The following GLIS3 variants were observed in gnomAD, a reference collection of about 807,000 sequenced individuals.
GLIS3 encodes the protein GLIS family zinc finger 3, also known as zinc finger protein GLIS3.
Under a neutral mutation model 78.6 loss-of-function variants are expected in GLIS3, and 53 were observed. The ratio of observed to expected loss-of-function variants is 0.67; its 90% CI spans 0.54 to 0.85. GLIS3 has a LOEUF of 0.85. Among genes scored for constraint, GLIS3 ranks in the 40% least tolerant of loss-of-function variants. The pLI is 0.00. For synonymous variants in GLIS3, 684 were observed against 509.9 expected (o/e 1.34, Z -4.60); for missense variants, 1,703 against 1,231.1 (o/e 1.38, Z -5.74).
At chr9:4,223,306 A>T (rs752168291) in intron 2 of GLIS3, among the ~76,000 whole-genome samples, 19 of 152,202 alleles carry the variant, frequency 1.2e-4, no homozygotes, top group Non-Finnish European at 1.8e-4. Flanking sequence ...TGGACAAGTT[A>T]TTTAATCTGG....
At chr9:4,046,779 G>A (rs1360141370) in intron 4 of GLIS3, among the ~76,000 whole-genome samples, 2 of 152,110 alleles carry the variant, frequency 1.3e-5, no homozygotes, top group Non-Finnish European at 1.5e-5. Context: ...AATGAACTAG[G>A]CATGTTTACT....
At chr9:4,463,561 G>C in the GLIS3 span, among the ~76,000 whole-genome samples, 1 of 152,136 alleles carries the variant, frequency 6.6e-6, no homozygotes, top group Non-Finnish European at 1.5e-5. Flanking sequence ...TTATACTAAG[G>C]TGTGGGTAGC....
At chr9:4,319,062 T>G (rs1168900556) in intron 2 of GLIS3, among the ~76,000 whole-genome samples, 1 of 152,138 alleles carries the variant, frequency 6.6e-6, no homozygotes, top group Non-Finnish European at 1.5e-5. Flanking sequence ...TTCAAAAATG[T>G]CAATGTCATG....
In GLIS3 at chr9:4,062,559, T is replaced by A. The variant is rs146032928; in HGVS notation, c.1710+55209A>T. On this transcript the variant is annotated intron_variant, in intron 4 of 10. Transcript: ENST00000381971. Reference sequence around the variant, plus strand: ...GGCACTTACTTTCTCTGAGCCTCATTTTCATACCTATAAAATGGGATTATA... The same window carrying A: ...GGCACTTACTTTCTCTGAGCCTCATATTCATACCTATAAAATGGGATTATA... Among the ~76,000 whole-genome samples the A allele has an allele frequency of 9.4e-3, 1,428 of 152,316 alleles. 20 individuals are homozygous for A. The highest frequency in any genetic ancestry group is 0.033 in the African/African-American group (1,354 of 41,562).
At chr9:4,394,696 A>G in the GLIS3 span, among the ~76,000 whole-genome samples, 1 of 152,234 alleles carries the variant, frequency 6.6e-6, no homozygotes, top group Non-Finnish European at 1.5e-5. Flanking sequence ...TTTCTGAAGA[A>G]AACCTAATTT....
intron 4 of GLIS3, chr9:3,975,243 A>C (rs1818680847): frequency 6.6e-6 from 1 of 152,112 alleles, no homozygotes; most frequent in Non-Finnish European, 1.5e-5. Flanking sequence ...TCAACAGGAG[A>C]GGGAGTGGGC....
At chr9:4,067,901 G>C (rs949557687) in intron 4 of GLIS3, among the ~76,000 whole-genome samples, 1 of 151,880 alleles carries the variant, frequency 6.6e-6, no homozygotes, top group African/African-American at 2.4e-5. Flanking sequence ...TAACCACCGA[G>C]CTGTCAAAGA....
At chr9:4,173,411 G>C (rs761957087) in intron 2 of GLIS3, among the ~76,000 whole-genome samples, 1 of 151,930 alleles carries the variant, frequency 6.6e-6, no homozygotes, top group African/African-American at 2.4e-5. Flanking sequence ...ACCGTGCCAC[G>C]TGTGTCTTCT....
chr9:4,434,992 T>C, the GLIS3 span, among the ~76,000 whole-genome samples: 2 of 152,192 alleles, frequency 1.3e-5, no homozygotes. Flanking sequence ...AGGTACCAAA[T>C]TGTATGATTT....
At chr9:4,195,859 T>C (rs1198682170) in intron 2 of GLIS3, among the ~76,000 whole-genome samples, 1 of 152,238 alleles carries the variant, frequency 6.6e-6, no homozygotes, top group Non-Finnish European at 1.5e-5. Context: ...GTCTAGCTAA[T>C]CTAGTGAGGA....
At chr9:4,359,957 T>C in the GLIS3 span, among the ~76,000 whole-genome samples, 4 of 152,104 alleles carry the variant, frequency 2.6e-5, no homozygotes, top group African/African-American at 9.6e-5. Flanking sequence ...TTTCTGTATA[T>C]ATTTACAAGT....
At chr9:4,356,276 G>A in the GLIS3 span, among the ~76,000 whole-genome samples, 2 of 152,188 alleles carry the variant, frequency 1.3e-5, no homozygotes, top group South Asian at 2.1e-4. Flanking sequence ...CACAATTTAG[G>A]AGGACTGGGG....
At chr9:4,182,932 G>A (rs1817460777) in intron 2 of GLIS3, among the ~76,000 whole-genome samples, 1 of 152,156 alleles carries the variant, frequency 6.6e-6, no homozygotes, top group African/African-American at 2.4e-5. Flanking sequence ...GAAATACATG[G>A]AACTTGCCAA....
intron 1 of GLIS3, chr9:4,298,285 G>C: frequency 2.2e-6 from 1 of 445,696 alleles, no homozygotes; most frequent in Non-Finnish European, 4.5e-6. Flanking sequence ...CTCACCCTGT[G>C]GTTTCCTTTC....
intron 4 of GLIS3, among the ~76,000 whole-genome samples, chr9:4,099,567 G>A (rs527477643): frequency 2.0e-5 from 3 of 152,288 alleles, no homozygotes; most frequent in South Asian, 2.1e-4. Flanking sequence ...TCTAAAGACC[G>A]TGTTTTCACA....
At position 4,286,132 on chromosome 9, in the gene GLIS3, G is replaced by A; in HGVS notation, c.294C>T (p.Phe98=). ...RQMLTNGKPR[F]QVTQAGGMSG... The stretch of plus-strand genomic sequence containing the variant: ...ACATGCCTCCAGCCTGGGTGACCTG[G>A]AATCGCGGCTTCCCATTGGTGAGCA... Residue 98 remains phenylalanine (F), a synonymous_variant, in exon 2 of 11, where the codon TTC becomes TTT. Coordinates refer to ENST00000381971, the MANE Select transcript of GLIS3 (RefSeq NM_001042413.2). 1 of 1,613,746 alleles carries A rather than the reference G, an allele frequency of 6.2e-7. No homozygotes were observed. The highest frequency in any genetic ancestry group is 8.5e-7 in the Non-Finnish European group (1 of 1,179,616).
intron 1 of GLIS3, among the ~76,000 whole-genome samples, chr9:4,295,658 G>C (rs1214292100): frequency 6.6e-6 from 1 of 152,172 alleles, no homozygotes; most frequent in East Asian, 1.9e-4. Context: ...AGATGTTTCT[G>C]GTGTGTTGAT....
the GLIS3 span, among the ~76,000 whole-genome samples, chr9:4,489,933 A>G: frequency 1.3e-5 from 2 of 152,196 alleles, no homozygotes; most frequent in Non-Finnish European, 2.9e-5. Flanking sequence ...AAGTTTCCAA[A>G]GCCATGTTCT....
At chr9:4,054,418 G>C in intron 4 of GLIS3, 1 of 985,366 alleles carries the variant, frequency 1.0e-6, no homozygotes, top group Non-Finnish European at 1.2e-6. Context: ...TTTAACGGTT[G>C]GTTACAAACA....
Sources: gnomAD v4.1 joint callset for allele counts (sites outside exome capture counted in the v4.1 genomes callset) on GRCh38, gnomAD v4.1.1 for gene constraint, MANE v1.5 for transcripts, NCBI Gene and HGNC (gene_info 2026-07-23, HGNC 2026-07-21) for gene names.